Variants in PXDNL observed in about 807,000 individuals in gnomAD.
The protein encoded by PXDNL is peroxidasin like.
Under a neutral mutation model 150.8 loss-of-function variants are expected in PXDNL, and 145 were observed. The ratio of observed to expected loss-of-function variants is 0.96; its 90% CI spans 0.84 to 1.10. The LOEUF (loss-of-function observed/expected upper bound fraction) is 1.10, where lower values mean the gene tolerates loss of function less well. Ranked by LOEUF, PXDNL falls within the 50% of genes least tolerant of loss-of-function variation. The pLI is 0.00. For synonymous variants in PXDNL, 757 were observed against 725.7 expected, an observed-to-expected ratio of 1.04 and a Z score of -0.69; for missense variants, 2,087 against 1,873.9, an observed-to-expected ratio of 1.11 and a Z score of -2.10.
At chr8:51,572,344 C>G (rs567235995) in intron 3 of PXDNL, among the ~76,000 whole-genome samples, 6 of 151,726 alleles carry the variant, frequency 4.0e-5, no homozygotes, top group African/African-American at 1.4e-4. Context: ...CACACTTAAG[C>G]AAAATATAGT....
chr8:51,436,615 G>T, intron 12 of PXDNL: 1 of 185,786 alleles, frequency 5.4e-6, no homozygotes, highest in South Asian at 1.2e-4. Context: ...AATGATCACT[G>T]GGTCAACAGT....
At position 51,533,211 on chromosome 8, in the gene PXDNL, C is replaced by T. The variant is rs980376167; in HGVS notation, c.380+23629G>A. Among the ~76,000 whole-genome samples, 9 of 152,190 alleles carry T rather than the reference C, an allele frequency of 5.9e-5. No individual in the cohort carries two copies. In the South Asian group the frequency reaches 6.2e-4, roughly 11 times the overall value. ...TGTCACCCAGGCTGGAGCACAGTGG[C>T]GCAATCTCAGCTCACTGCAACCTCT... On this transcript the variant is annotated intron_variant, in intron 4 of 22. Coordinates refer to ENST00000356297, the MANE Select transcript of PXDNL (RefSeq NM_144651.5).
intron 13 of PXDNL, among the ~76,000 whole-genome samples, chr8:51,426,189 G>GT (rs976114061): frequency 6.6e-5 from 10 of 152,022 alleles, no homozygotes; most frequent in African/African-American, 2.4e-4. Context: ...AGGAGCTATT[G>GT]TTTTTTTAAA....
chr8:51,625,356 A>T (rs1716556778), intron 2 of PXDNL, among the ~76,000 whole-genome samples: 2 of 152,216 alleles, frequency 1.3e-5, no homozygotes, highest in South Asian at 4.1e-4. Flanking sequence ...TGACTTCTAA[A>T]CATCACCACC....
At chr8:51,627,570 T>C (rs948558350) in intron 2 of PXDNL, among the ~76,000 whole-genome samples, 6 of 151,984 alleles carry the variant, frequency 3.9e-5, no homozygotes, top group African/African-American at 1.2e-4. Flanking sequence ...CATAAAATAG[T>C]AGGTAGCTCC....
At chr8:51,334,448 G>A (rs1805781447) in intron 21 of PXDNL, among the ~76,000 whole-genome samples, 1 of 151,788 alleles carries the variant, frequency 6.6e-6, no homozygotes, top group Admixed American at 6.6e-5. Flanking sequence ...AAACCCAGCA[G>A]AAGAAAGGAA....
chr8:51,417,095 A>G (rs982005129), intron 14 of PXDNL, among the ~76,000 whole-genome samples: 2 of 152,222 alleles, frequency 1.3e-5, no homozygotes, highest in Admixed American at 6.5e-5. Context: ...GACACATTAG[A>G]ATTAATCAAT....
chr8:51,512,743 C>G (rs1289837193), intron 4 of PXDNL, among the ~76,000 whole-genome samples: 1 of 152,182 alleles, frequency 6.6e-6, no homozygotes, highest in Non-Finnish European at 1.5e-5. Context: ...CCTTCTTGAC[C>G]CTCGCTGGTG....
intron 3 of PXDNL, among the ~76,000 whole-genome samples, chr8:51,584,064 A>C (rs1813268247): frequency 6.6e-6 from 1 of 152,170 alleles, no homozygotes; most frequent in Non-Finnish European, 1.5e-5. Flanking sequence ...CAAAGTCATA[A>C]AAAAATCAAT....
intron 14 of PXDNL, among the ~76,000 whole-genome samples, chr8:51,413,728 T>A (rs189623909): frequency 5.7e-4 from 87 of 151,788 alleles, no homozygotes; most frequent in African/African-American, 1.7e-3. Context: ...TTTATGCTTT[T>A]TTTATAGCTC....
chr8:51,602,902 G>C (rs916417654), intron 2 of PXDNL, among the ~76,000 whole-genome samples: 1 of 149,932 alleles, frequency 6.7e-6, no homozygotes, highest in Admixed American at 6.6e-5. Flanking sequence ...TTTGGATTTT[G>C]TATCATACTT....
chr8:51,597,212 G>T (rs1429413366), intron 2 of PXDNL, among the ~76,000 whole-genome samples: 1 of 152,130 alleles, frequency 6.6e-6, no homozygotes, highest in Non-Finnish European at 1.5e-5. Flanking sequence ...TTAAATGATT[G>T]TAGGTGTGTG....
At chr8:51,594,284 A>T (rs1489854294) in intron 2 of PXDNL, among the ~76,000 whole-genome samples, 1 of 152,046 alleles carries the variant, frequency 6.6e-6, no homozygotes, top group African/African-American at 2.4e-5. Context: ...ACCTCATATT[A>T]ATCACAGATC....
chr8:51,463,629 A>G (rs1007806528), intron 8 of PXDNL, among the ~76,000 whole-genome samples: 1 of 152,222 alleles, frequency 6.6e-6, no homozygotes, highest in African/African-American at 2.4e-5. Flanking sequence ...ATAGATAGCT[A>G]CAGAACACTT....
intron 3 of PXDNL, among the ~76,000 whole-genome samples, chr8:51,584,523 A>G (rs1813281295): frequency 6.6e-6 from 1 of 152,214 alleles, no homozygotes; most frequent in South Asian, 2.1e-4. Context: ...GACAATGTAC[A>G]TCTCTAATAA....
intron 1 of PXDNL, among the ~76,000 whole-genome samples, chr8:51,669,225 T>G (rs1375925642): frequency 6.6e-6 from 1 of 152,246 alleles, no homozygotes; most frequent in Non-Finnish European, 1.5e-5. Context: ...ATGTAGAAAG[T>G]TCACGGAATT....
chr8:51,526,050 TC>T (rs1232251867), intron 4 of PXDNL, among the ~76,000 whole-genome samples: 1 of 152,120 alleles, frequency 6.6e-6, no homozygotes, highest in Non-Finnish European at 1.5e-5. Context: ...TATAGTTTTT[TC>T]CCCCTCACCG....
At chr8:51,406,805 G>C (rs543361922) in intron 17 of PXDNL, among the ~76,000 whole-genome samples, 61 of 152,190 alleles carry the variant, frequency 4.0e-4, no homozygotes, top group Non-Finnish European at 7.8e-4. Flanking sequence ...ACGCTGTCAG[G>C]CTTTCCCTGG....
chr8:51,389,258 GT>G (rs1442743967), intron 17 of PXDNL, among the ~76,000 whole-genome samples: 1 of 152,126 alleles, frequency 6.6e-6, no homozygotes. Context: ...CCCCTGGGCT[GT>G]TTTTCATGTT....
Sources: gnomAD v4.1 joint callset for allele counts (sites outside exome capture counted in the v4.1 genomes callset) on GRCh38, gnomAD v4.1.1 for gene constraint, MANE v1.5 for transcripts, NCBI Gene and HGNC (gene_info 2026-07-23, HGNC 2026-07-21) for gene names.